GALNS: variants seen among roughly 807,000 people sequenced by gnomAD.
The protein encoded by GALNS is N-acetylgalactosamine-6-sulfatase.
Under a neutral mutation model 65.9 loss-of-function variants are expected in GALNS, and 65 were observed. That is an observed-to-expected ratio of 0.99 (90% CI 0.81 to 1.21). The LOEUF (loss-of-function observed/expected upper bound fraction) is 1.21, where lower values mean the gene tolerates loss of function less well. Among genes scored for constraint, GALNS ranks in the 50% most tolerant of loss-of-function variants. GALNS has a pLI of 0.00. For synonymous variants in GALNS, 346 were observed against 288.9 expected (o/e 1.20, Z -2.00); for missense variants, 776 against 700.7 (o/e 1.11, Z -1.21).
At chr16:88,850,672 C>T (rs529955609) in intron 1 of GALNS, among the ~76,000 whole-genome samples, 6 of 152,138 alleles carry the variant, frequency 3.9e-5, no homozygotes, top group African/African-American at 1.2e-4. Context: ...CGGGCGGGGC[C>T]GGGGAGACCA....
chr16:88,846,295 A>G (rs1967239200), intron 1 of GALNS, among the ~76,000 whole-genome samples: 1 of 152,102 alleles, frequency 6.6e-6, no homozygotes, highest in African/African-American at 2.4e-5. Context: ...CCCTCATCCC[A>G]CACACTGCAG....
In GALNS at chr16:88,841,946, C is replaced by T. The variant is rs1185682552; in HGVS notation, c.270G>A (p.Arg90=). The T allele has an allele frequency of 1.9e-6, 3 of 1,613,510 alleles. No individual in the cohort carries two copies. Among genetic ancestry groups the T allele is most frequent in the Non-Finnish European group, 1.7e-6 (2 of 1,179,750 alleles). ...TGTAGAAGCCATTGCGGATGGGTAG[C>T]CGTCCTGTGAGCAGTGCCGCCCTCG... ...SPSRAALLTG[R]LPIRNGFYTT... The change falls in exon 3 of 14, where the codon CGG becomes CGA. Residue 90 remains arginine, a synonymous_variant. Coordinates refer to ENST00000268695, the MANE Select transcript of GALNS (RefSeq NM_000512.5).
At chr16:88,844,382 T>C (rs898249808) in intron 1 of GALNS, 1 of 152,222 alleles carries the variant, frequency 6.6e-6, no homozygotes, top group African/African-American at 2.4e-5. Context: ...GGGCCAGGAC[T>C]TTGCTCTAGA....
chr16:88,823,948 G>A (rs568096634), intron 11 of GALNS, among the ~76,000 whole-genome samples: 1 of 152,212 alleles, frequency 6.6e-6, no homozygotes, highest in Non-Finnish European at 1.5e-5. Context: ...GCCTGCACAG[G>A]GTGGGGAGGA....
intron 11 of GALNS, among the ~76,000 whole-genome samples, chr16:88,823,942 G>A (rs1223917846): frequency 6.6e-6 from 1 of 152,214 alleles, no homozygotes; most frequent in Non-Finnish European, 1.5e-5. Context: ...TGCGGGGCCT[G>A]CACAGGGTGG....
intron 9 of GALNS, among the ~76,000 whole-genome samples, chr16:88,830,132 G>A (rs556633091): frequency 2.0e-5 from 3 of 151,324 alleles, no homozygotes; most frequent in African/African-American, 7.3e-5. Context: ...TCGGGAGGCT[G>A]AGGCAGGAGA....
chr16:88,833,141 G>A (rs967982653), intron 8 of GALNS, among the ~76,000 whole-genome samples: 3 of 151,958 alleles, frequency 2.0e-5, no homozygotes, highest in African/African-American at 2.4e-5. Context: ...ACCATCCAGG[G>A]GAGGCAAAGT....
rs1567538371 is a variant in GALNS at position 88,842,978 on chromosome 16, C to T, written c.121-149G>A. On this transcript the variant is annotated intron_variant, in intron 1 of 13. Transcript: ENST00000268695. ...GCCAGCGGCAGAGCTCGGCCAAACC[C>T]CAGCATCGCCTGCGTGCGTGCACGA... is the stretch of plus-strand genomic sequence containing the variant. The T allele has an allele frequency of 1.3e-6, 2 of 1,528,006 alleles. No homozygotes were observed. Among genetic ancestry groups the T allele is most frequent in the African/African-American group, 2.7e-5 (2 of 72,822 alleles). The allele number at this position is 1,528,006 out of a possible 1,614,324, so 94.7% of individuals were successfully genotyped here.
intron 1 of GALNS, chr16:88,855,058 A>G (rs1967724262): frequency 7.6e-6 from 3 of 392,442 alleles, no homozygotes; most frequent in African/African-American, 2.1e-5. Flanking sequence ...TCCTATGGAA[A>G]CGTAGGGTGA....
chr16:88,844,726 T>C (rs375119331), intron 1 of GALNS: 1 of 152,404 alleles, frequency 6.6e-6, no homozygotes, highest in East Asian at 1.9e-4. Context: ...ACCACCACGT[T>C]CACAGGCCCA....
Position 88,818,053 on chromosome 16 carries a change from A to C in GALNS, c.1436T>G (p.Leu479Trp). Reference protein sequence around the residue: ...TSVVQQHQEALVPAQPQLNVC... With the variant: ...TSVVQQHQEAWVPAQPQLNVC... ...GTTGAGCTGGGGCTGCGCGGGGACC[A>C]AGGCCTCCTGGTGCTGCTGGACGAC... The change falls in exon 13 of 14, where the codon TTG becomes TGG. Residue 479 changes from leucine (L) to tryptophan (W), a missense_variant. Leu to Trp is a moderately conservative substitution (Grantham distance 61). Transcript: ENST00000268695. The C allele has an allele frequency of 6.3e-7, 1 of 1,582,820 alleles. No homozygotes were observed. The highest frequency in any genetic ancestry group is 8.6e-7 in the Non-Finnish European group (1 of 1,169,490).
At chr16:88,854,783 G>A (rs1284980222) in intron 1 of GALNS, among the ~76,000 whole-genome samples, 1 of 152,258 alleles carries the variant, frequency 6.6e-6, no homozygotes, top group Admixed American at 6.5e-5. Flanking sequence ...CGACTCAGGA[G>A]GGCCAGGGAA....
At chr16:88,835,618 C>T (rs562690679) in intron 7 of GALNS, 107 bp downstream of exon 7, 23 of 1,550,332 alleles carry the variant, frequency 1.5e-5, no homozygotes, top group Non-Finnish European at 1.8e-5. Flanking sequence ...GTTGCTCTGG[C>T]CTTTCCATAA....
intron 13 of GALNS, 30 bp from the exon 14 acceptor site, chr16:88,814,555 T>C (rs866640112): frequency 6.4e-7 from 1 of 1,550,610 alleles, no homozygotes; most frequent in Non-Finnish European, 8.7e-7. Flanking sequence ...AAAAAGAACA[T>C]GCAGTTATTC....
intron 1 of GALNS, among the ~76,000 whole-genome samples, chr16:88,852,685 C>A (rs1472457188): frequency 2.6e-5 from 4 of 152,280 alleles, no homozygotes; most frequent in Middle Eastern, 3.4e-3. Context: ...GTAGAGAAGA[C>A]CTTAGATGAC....
At position 88,846,539 on chromosome 16, in the gene GALNS, G is replaced by C. The variant is rs1967254605; in HGVS notation, c.121-3710C>G. ...TTTTTTTTTTTTTTTTTTTTGAGAC[G>C]AAGTCTTGCTGTTGTCGCCCAGGCT... On this transcript the variant is annotated intron_variant, in intron 1 of 13. Transcript: ENST00000268695. 5.6e-5 allele frequency among the ~76,000 whole-genome samples: 7 copies of C among 124,482 alleles called. No homozygotes were observed. The South Asian group carries it at 1.7e-3, about 31-fold the overall frequency. 81.7% of individuals were successfully genotyped at this position (124,482 alleles called of 152,430 possible).
chr16:88,817,888 T>A, intron 13 of GALNS, 119 bp downstream of exon 13: 24 of 841,274 alleles, frequency 2.9e-5, no homozygotes, highest in African/African-American at 6.8e-5. Context: ...GCCTCACCAC[T>A]GACGGAGGCG....
intron 8 of GALNS, among the ~76,000 whole-genome samples, chr16:88,834,371 G>A (rs570979914): frequency 3.4e-5 from 5 of 146,040 alleles, no homozygotes; most frequent in African/African-American, 1.3e-4. Context: ...CCCCCGCGTG[G>A]TCTGGGAAGA....
intron 9 of GALNS, among the ~76,000 whole-genome samples, chr16:88,828,998 C>G (rs7194471): frequency 2.2e-4 from 12 of 55,628 alleles, no homozygotes; most frequent in Admixed American, 2.0e-3. Flanking sequence ...CCGGGTCTCA[C>G]GCCATCGTCT....
Sources: allele counts gnomAD v4.1 joint callset (sites outside exome capture counted in the v4.1 genomes callset), GRCh38; gene constraint gnomAD v4.1.1; transcripts MANE v1.5; gene names NCBI Gene and HGNC (gene_info 2026-07-23, HGNC 2026-07-21).